Variants in PLPPR2 observed in about 807,000 individuals in gnomAD.
The protein encoded by PLPPR2 is phospholipid phosphatase related 2, also known as phospholipid phosphatase-related protein type 2.
A neutral mutation model predicts 40.3 loss-of-function variants in PLPPR2; 11 were observed. That is an observed-to-expected ratio of 0.27 (90% CI 0.17 to 0.45). The LOEUF (loss-of-function observed/expected upper bound fraction) is 0.45. Among genes scored for constraint, PLPPR2 ranks in the 20% least tolerant of loss-of-function variants. The pLI, the probability that PLPPR2 is intolerant of heterozygous loss-of-function variation, is 1.00. For synonymous variants in PLPPR2, 260 were observed against 290.8 expected (o/e 0.89, Z 1.08); for missense variants, 497 against 640.7 (o/e 0.78, Z 2.42).
chr19:11,356,567 G>A (rs919666467), intron 1 of PLPPR2, among the ~76,000 whole-genome samples: 5 of 152,000 alleles, frequency 3.3e-5, no homozygotes, highest in African/African-American at 1.2e-4. Flanking sequence ...GAACAAGGGG[G>A]CCCCTCTTGT....
chr19:11,364,469 C>T lies in PLPPR2; in HGVS notation c.1138C>T (p.Pro380Ser). The T allele has an allele frequency of 1.3e-6, 2 of 1,516,212 alleles. No individual in the cohort carries two copies. The highest frequency in any genetic ancestry group is 2.4e-5 in the East Asian group (1 of 41,826). The allele number at this position is 1,516,212 out of a possible 1,614,324, so 93.9% of individuals were successfully genotyped here. ...ATTGAGGTCTGAGCCGACGCCCTTG[C>T]CCCTGCCCCTACCCCTGCCAGCGCC... ...PRLRSEPTPL[P>S]LPLPLPAPTP... is the part of the protein sequence containing the mutation. The change falls in exon 10 of 10, where the codon CCC (proline) becomes TCC (serine). Residue 380 changes from proline to serine, a missense_variant. Coordinates refer to ENST00000688289, the MANE Select transcript of PLPPR2 (RefSeq NM_001393892.1). This position sits in a 1 kb window ranked among gnomAD's most constrained non-coding sequence, Gnocchi z 5.8.
chr19:11,359,586 A>G lies in PLPPR2; in HGVS notation c.121A>G (p.Thr41Ala), dbSNP rs1377729396. ...LLAYRLEFTD[T>A]FPVHTQGFFC... Reference sequence around the variant, plus strand: ...TGCTTACCGCCTGGAGTTCACGGACACCTTCCCTGTGCACACCCAGGGATT... The same window carrying G: ...TGCTTACCGCCTGGAGTTCACGGACGCCTTCCCTGTGCACACCCAGGGATT... The change falls in exon 4 of 10, where the codon ACC becomes GCC. Residue 41 changes from threonine to alanine, a missense_variant. Thr to Ala is a moderately conservative substitution (Grantham distance 58). Coordinates refer to ENST00000688289, the MANE Select transcript of PLPPR2 (RefSeq NM_001393892.1). The surrounding 1 kb of genome is among the most constrained non-coding windows in gnomAD (Gnocchi z 5.6). The G allele has an allele frequency of 1.2e-6, 2 of 1,604,436 alleles. No individual in the cohort carries two copies. Among genetic ancestry groups the G allele is most frequent in the East Asian group, 2.2e-5 (1 of 44,602 alleles).
Position 11,363,959 on chromosome 19 carries a change from C to A in PLPPR2, c.963+124C>A. The A allele has an allele frequency of 7.4e-7, 1 of 1,360,414 alleles. No individual in the cohort carries two copies. The highest frequency in any genetic ancestry group is 1.0e-6 in the Non-Finnish European group (1 of 1,004,818). 84.3% of individuals were successfully genotyped at this position (1,360,414 alleles called of 1,614,324 possible). ...ACCATGGGGAAGTGGAGGGATCACC[C>A]ATCTCTGTGGACATAGGTCCTGGGC... On this transcript the variant is annotated intron_variant, in intron 8 of 9. Coordinates refer to ENST00000688289, the MANE Select transcript of PLPPR2 (RefSeq NM_001393892.1). This position sits in a 1 kb window ranked among gnomAD's most constrained non-coding sequence, Gnocchi z 4.8.
intron 3 of PLPPR2, among the ~76,000 whole-genome samples, chr19:11,358,665 CTGT>C (rs910226625): frequency 2.8e-5 from 4 of 142,948 alleles, no homozygotes; most frequent in African/African-American, 1.1e-4. Context: ...TCCTCTCTCT[CTGT>C]TTTTTTTTTT....
In PLPPR2 at chr19:11,363,268, G is replaced by A. The variant is rs866224054; in HGVS notation, c.841-445G>A. On this transcript the variant is annotated intron_variant, in intron 7 of 9. Transcript: ENST00000688289. This position sits in a 1 kb window ranked among gnomAD's most constrained non-coding sequence, Gnocchi z 4.8. The stretch of plus-strand genomic sequence containing the variant: ...CTCACTCCAGCCTGGGTGAAAGAGC[G>A]AAAGTCTGTCTCAAAAAAAAAAAAA... 2.1e-5 allele frequency among the ~76,000 whole-genome samples: 3 copies of A among 142,838 alleles called. No homozygotes were observed. The highest frequency in any genetic ancestry group is 7.8e-5 in the African/African-American group (3 of 38,370). The allele number at this position is 142,838 out of a possible 152,430, so 93.7% of individuals were successfully genotyped here.
In PLPPR2 at chr19:11,363,223, G is replaced by C. The variant is rs1410565364; in HGVS notation, c.841-490G>C. ...TTGAACCCGGGGGACGGAGGTTGCAGTGAACTGAGATCGTGCCACCTCACT... is the reference window on the plus strand; with the variant it reads ...TTGAACCCGGGGGACGGAGGTTGCACTGAACTGAGATCGTGCCACCTCACT... On this transcript the variant is annotated intron_variant, in intron 7 of 9. Coordinates refer to ENST00000688289, the MANE Select transcript of PLPPR2 (RefSeq NM_001393892.1). The surrounding 1 kb of genome is among the most constrained non-coding windows in gnomAD (Gnocchi z 4.8). 6.6e-6 allele frequency among the ~76,000 whole-genome samples: 1 copy of C among 151,326 alleles called. No homozygotes were observed. The highest frequency in any genetic ancestry group is 6.6e-5 in the Admixed American group (1 of 15,140).
In PLPPR2 at chr19:11,362,550, G is replaced by T; in HGVS notation, c.701G>T (p.Arg234Leu). ...VTLVFRVKGS[R>L]LVKPSLCLAL... ...CTCGTGTTCCGCGTGAAGGGCTCCCGCCTGGTCAAACCCTCGCTCTGCCTG... is the reference window on the plus strand; with the variant it reads ...CTCGTGTTCCGCGTGAAGGGCTCCCTCCTGGTCAAACCCTCGCTCTGCCTG... Residue 234 changes from arginine (R) to leucine (L), a missense_variant, in exon 7 of 10, where the codon CGC becomes CTC. Coordinates refer to ENST00000688289, the MANE Select transcript of PLPPR2 (RefSeq NM_001393892.1). This position sits in a 1 kb window ranked among gnomAD's most constrained non-coding sequence, Gnocchi z 5.3. The T allele has an allele frequency of 6.2e-7, 1 of 1,611,842 alleles. No homozygotes were observed. The highest frequency in any genetic ancestry group is 1.7e-5 in the Admixed American group (1 of 60,030).
chr19:11,362,346 C>G lies in PLPPR2; in HGVS notation c.664-167C>G. 1.7e-6 allele frequency: 1 copy of G among 604,130 alleles called. No individual in the cohort carries two copies. The highest frequency in any genetic ancestry group is 2.7e-6 in the Non-Finnish European group (1 of 363,706). 37.4% of individuals were successfully genotyped at this position (604,130 alleles called of 1,614,324 possible). On this transcript the variant is annotated intron_variant, in intron 6 of 9. Coordinates refer to ENST00000688289, the MANE Select transcript of PLPPR2 (RefSeq NM_001393892.1). This position sits in a 1 kb window ranked among gnomAD's most constrained non-coding sequence, Gnocchi z 5.3. ...CCCCCCCCCTTTGCCTTTTTGGTCA[C>G]GCTCCCTGGAAAAGCCCACTGGGAG...
In PLPPR2 at chr19:11,362,325, C is replaced by CG. The variant is rs1968069941; in HGVS notation, c.664-188_664-187insG. 3.5e-6 allele frequency: 2 copies of CG among 575,822 alleles called. No homozygotes were observed. The highest frequency in any genetic ancestry group is 3.7e-5 in the African/African-American group (2 of 53,556). The allele number at this position is 575,822 out of a possible 1,614,324, so 35.7% of individuals were successfully genotyped here. The stretch of plus-strand genomic sequence containing the variant: ...TCCAAGACCTCAATCCCTGACCCCC[C>CG]CCCCTTTGCCTTTTTGGTCACGCTC... On this transcript the variant is annotated intron_variant, in intron 6 of 9. Coordinates refer to ENST00000688289, the MANE Select transcript of PLPPR2 (RefSeq NM_001393892.1). This position sits in a 1 kb window ranked among gnomAD's most constrained non-coding sequence, Gnocchi z 5.3.
In PLPPR2 at chr19:11,363,905, G is replaced by T; in HGVS notation, c.963+70G>T. The T allele has an allele frequency of 6.5e-7, 1 of 1,538,632 alleles. No individual in the cohort carries two copies. The highest frequency in any genetic ancestry group is 1.2e-5 in the South Asian group (1 of 84,714). The stretch of plus-strand genomic sequence containing the variant: ...TGGAGGGGGCCAAGGAGACAGGAAG[G>T]AAGTCAGGCAAGAGGTGGGGGTCTC... On this transcript the variant is annotated intron_variant, in intron 8 of 9. Transcript: ENST00000688289. This position sits in a 1 kb window ranked among gnomAD's most constrained non-coding sequence, Gnocchi z 4.8.
chr19:11,363,903 A>G lies in PLPPR2; in HGVS notation c.963+68A>G. ...GGTGGAGGGGGCCAAGGAGACAGGA[A>G]GGAAGTCAGGCAAGAGGTGGGGGTC... is the stretch of plus-strand genomic sequence containing the variant. On this transcript the variant is annotated intron_variant, in intron 8 of 9. Transcript: ENST00000688289. The surrounding 1 kb of genome is among the most constrained non-coding windows in gnomAD (Gnocchi z 4.8). 1 of 1,541,044 alleles carries G rather than the reference A, an allele frequency of 6.5e-7. No homozygotes were observed. Among genetic ancestry groups the G allele is most frequent in the Non-Finnish European group, 8.8e-7 (1 of 1,138,750 alleles).
In PLPPR2 at chr19:11,362,321, C is replaced by CG. The variant is rs1003370252; in HGVS notation, c.664-192_664-191insG. The CG allele has an allele frequency of 2.2e-5, 12 of 542,380 alleles. No homozygotes were observed. The highest frequency in any genetic ancestry group is 1.7e-4 in the African/African-American group (8 of 48,354). The allele number at this position is 542,380 out of a possible 1,614,324, so 33.6% of individuals were successfully genotyped here. A position where few individuals can be genotyped will look rare whatever the true frequency, so the allele number is the denominator to read the frequency against. ...AGACTCCAAGACCTCAATCCCTGACCCCCCCCCCTTTGCCTTTTTGGTCAC... is the reference window on the plus strand; with the variant it reads ...AGACTCCAAGACCTCAATCCCTGACCGCCCCCCCCTTTGCCTTTTTGGTCAC... On this transcript the variant is annotated intron_variant, in intron 6 of 9. Transcript: ENST00000688289. The surrounding 1 kb of genome is among the most constrained non-coding windows in gnomAD (Gnocchi z 5.3).
At position 11,364,612 on chromosome 19, in the gene PLPPR2, G is replaced by C; in HGVS notation, c.1281G>C (p.Leu427=). 1 of 1,537,198 alleles carries C rather than the reference G, an allele frequency of 6.5e-7. No individual in the cohort carries two copies. Among genetic ancestry groups the C allele is most frequent in the African/African-American group, 1.4e-5 (1 of 73,158 alleles). The part of the protein sequence containing the change: ...PTPLLRDLYT[L]SGLYPSPFHR... ...CCCTGCTGCGGGACCTGTACACCCT[G>C]AGTGGACTCTATCCCTCCCCCTTCC... Residue 427 remains leucine (L), a synonymous_variant, in exon 10 of 10, where the codon CTG becomes CTC. Coordinates refer to ENST00000688289, the MANE Select transcript of PLPPR2 (RefSeq NM_001393892.1). The surrounding 1 kb of genome is among the most constrained non-coding windows in gnomAD (Gnocchi z 5.8).
intron 3 of PLPPR2, among the ~76,000 whole-genome samples, chr19:11,358,003 A>G (rs1967936215): frequency 1.3e-5 from 2 of 151,744 alleles, no homozygotes; most frequent in South Asian, 2.1e-4. Flanking sequence ...GGACATCACC[A>G]GAGTCCCAAC....
chr19:11,360,220 C>T (rs954394005), intron 5 of PLPPR2, among the ~76,000 whole-genome samples: 5 of 150,358 alleles, frequency 3.3e-5, no homozygotes, highest in Non-Finnish European at 7.4e-5. Flanking sequence ...TCCTTGAACC[C>T]GGGAGGCAGA....
At chr19:11,356,247 G>A (rs1967870984) in intron 1 of PLPPR2, among the ~76,000 whole-genome samples, 2 of 152,160 alleles carry the variant, frequency 1.3e-5, no homozygotes, top group South Asian at 4.1e-4. Context: ...TAGTGTGTGT[G>A]TGGCTGTCGC....
chr19:11,364,679 C>T lies in PLPPR2; in HGVS notation c.1348C>T (p.His450Tyr), dbSNP rs2144682283. The T allele has an allele frequency of 1.3e-6, 2 of 1,537,238 alleles. No homozygotes were observed. The highest frequency in any genetic ancestry group is 4.9e-5 in the East Asian group (2 of 40,908). The change falls in exon 10 of 10, where the codon CAC becomes TAC. Residue 450 changes from histidine to tyrosine, a missense_variant. Transcript: ENST00000688289. The surrounding 1 kb of genome is among the most constrained non-coding windows in gnomAD (Gnocchi z 5.8). ...CCCTTACCTGTTTGCCAGCCGTGAC[C>T]ACCTGCTGTGAGGCCCGACCACCCA... ...FSPYLFASRD[H>Y]LL
At chr19:11,356,459 TG>T (rs371614860) in intron 1 of PLPPR2, among the ~76,000 whole-genome samples, 88 of 70,520 alleles carry the variant, frequency 1.2e-3, no homozygotes, top group African/African-American at 4.6e-3. Flanking sequence ...GGGGTGGGGG[TG>T]GGGACTTGTT....
In PLPPR2 at chr19:11,362,551, C is replaced by T; in HGVS notation, c.702C>T (p.Arg234=). Residue 234 remains arginine, a synonymous_variant, in exon 7 of 10, where the codon CGC becomes CGT. Transcript: ENST00000688289. This position sits in a 1 kb window ranked among gnomAD's most constrained non-coding sequence, Gnocchi z 5.3. Reference sequence around the variant, plus strand: ...TCGTGTTCCGCGTGAAGGGCTCCCGCCTGGTCAAACCCTCGCTCTGCCTGG... The same window carrying T: ...TCGTGTTCCGCGTGAAGGGCTCCCGTCTGGTCAAACCCTCGCTCTGCCTGG... ...VTLVFRVKGS[R]LVKPSLCLAL... 6.2e-7 allele frequency: 1 copy of T among 1,612,082 alleles called. No individual in the cohort carries two copies. The highest frequency in any genetic ancestry group is 1.7e-5 in the Admixed American group (1 of 60,028).
Sources: allele counts gnomAD v4.1 joint callset (sites outside exome capture counted in the v4.1 genomes callset), GRCh38; gene constraint gnomAD v4.1.1; non-coding constraint Gnocchi (gnomAD v3.1); transcripts MANE v1.5; gene names NCBI Gene and HGNC (gene_info 2026-07-23, HGNC 2026-07-21).